XKR6: variants seen among roughly 807,000 people sequenced by gnomAD.
XKR6 encodes the protein XK related 6.
A neutral mutation model predicts 56.7 loss-of-function variants in XKR6; 22 were observed. The ratio of observed to expected loss-of-function variants is 0.39; its 90% CI spans 0.28 to 0.55. The LOEUF is 0.55. Ranked by LOEUF, XKR6 falls within the 20% of genes least tolerant of loss-of-function variation. The pLI is 0.66. For missense variants in XKR6, 852 were observed against 889.0 expected (o/e 0.96, Z 0.53); for synonymous variants, 524 against 387.8 (o/e 1.35, Z -4.13).
intron 1 of XKR6, among the ~76,000 whole-genome samples, chr8:10,970,091 G>T (rs146658369): frequency 6.6e-6 from 1 of 152,230 alleles, no homozygotes; most frequent in African/African-American, 2.4e-5. Flanking sequence ...ACCTCTCGCA[G>T]GAGTGGGCTG....
chr8:10,964,948 G>C lies in XKR6; in HGVS notation c.765-40118C>G, dbSNP rs575649413. Among the ~76,000 whole-genome samples, 12 of 152,304 alleles carry C rather than the reference G, an allele frequency of 7.9e-5. No individual in the cohort carries two copies. In the South Asian group the frequency reaches 2.3e-3, roughly 29 times the overall value. ...TGTTAAACCCAGAATCCACATCCCC[G>C]TGCAGGTGTGTTTACAGGCTTCCTC... On this transcript the variant is annotated intron_variant, in intron 1 of 2. Transcript: ENST00000416569.
intron 1 of XKR6, among the ~76,000 whole-genome samples, chr8:10,960,586 T>C (rs973290562): frequency 6.6e-6 from 1 of 152,250 alleles, no homozygotes; most frequent in African/African-American, 2.4e-5. Context: ...TTATCTTATT[T>C]GATCCTCAAC....
intron 1 of XKR6, among the ~76,000 whole-genome samples, chr8:10,951,025 C>T (rs984333244): frequency 6.6e-6 from 1 of 152,174 alleles, no homozygotes; most frequent in Non-Finnish European, 1.5e-5. Flanking sequence ...CAGCAGCATG[C>T]CCTGACATCT....
chr8:11,193,028 A>G (rs1563209358), intron 1 of XKR6, among the ~76,000 whole-genome samples: 1 of 152,214 alleles, frequency 6.6e-6, no homozygotes. Context: ...CATCATGGTG[A>G]TATGAATGTT....
At chr8:10,970,326 C>T (rs933446588) in intron 1 of XKR6, among the ~76,000 whole-genome samples, 1 of 152,212 alleles carries the variant, frequency 6.6e-6, no homozygotes, top group African/African-American at 2.4e-5. Flanking sequence ...TGCATCATCA[C>T]CTGTCCAATG....
At chr8:10,919,979 T>A (rs1366220488) in intron 2 of XKR6, among the ~76,000 whole-genome samples, 2 of 152,116 alleles carry the variant, frequency 1.3e-5, no homozygotes, top group African/African-American at 4.8e-5. Context: ...TATAGGGAAA[T>A]TGGATTATAA....
chr8:11,049,489 G>A (rs1352634317), intron 1 of XKR6, among the ~76,000 whole-genome samples: 2 of 152,160 alleles, frequency 1.3e-5, no homozygotes, highest in Non-Finnish European at 2.9e-5. Context: ...TCCTCCAGGG[G>A]TGGCTGTACG....
intron 1 of XKR6, among the ~76,000 whole-genome samples, chr8:11,033,978 C>A (rs1209724091): frequency 2.0e-5 from 3 of 152,228 alleles, no homozygotes; most frequent in African/African-American, 7.2e-5. Flanking sequence ...ACTATAACCA[C>A]ATCCTCAAAT....
chr8:11,021,229 G>A (rs1399402852), intron 1 of XKR6, among the ~76,000 whole-genome samples: 3 of 152,186 alleles, frequency 2.0e-5, no homozygotes, highest in Admixed American at 2.0e-4. Flanking sequence ...AGGTCTCACA[G>A]GGAGAGGAAG....
intron 1 of XKR6, among the ~76,000 whole-genome samples, chr8:11,056,090 C>T (rs544138741): frequency 2.0e-5 from 3 of 152,244 alleles, no homozygotes; most frequent in African/African-American, 7.2e-5. Flanking sequence ...AGGCCGTGGA[C>T]GACGTCCCGA....
At chr8:11,102,140 T>A (rs976339176) in intron 1 of XKR6, among the ~76,000 whole-genome samples, 1 of 152,158 alleles carries the variant, frequency 6.6e-6, no homozygotes, top group African/African-American at 2.4e-5. Flanking sequence ...TGTGGGTCAA[T>A]CCCAACTGAC....
At position 10,928,456 on chromosome 8, in the gene XKR6, T is replaced by A. The variant is rs183607879; in HGVS notation, c.765-3626A>T. ...AGGAAGGCATAAGCCATGTCCCCCC[T>A]AAACCCCTGGGCCAGCGCTGCTCTC... On this transcript the variant is annotated intron_variant, in intron 1 of 2. Transcript: ENST00000416569. Among the ~76,000 whole-genome samples, 86 of 152,372 alleles carry A rather than the reference T, an allele frequency of 5.6e-4. 3 individuals carry two copies. Among genetic ancestry groups the A allele is most frequent in the Non-Finnish European group, 2.2e-4 (15 of 68,028 alleles).
chr8:10,985,256 C>T (rs537703656), intron 1 of XKR6, among the ~76,000 whole-genome samples: 1 of 152,220 alleles, frequency 6.6e-6, no homozygotes, highest in South Asian at 2.1e-4. Context: ...CAGGTCTTTC[C>T]TGTGTGGTTC....
intron 1 of XKR6, among the ~76,000 whole-genome samples, chr8:11,026,176 A>C (rs1331715532): frequency 6.6e-6 from 1 of 151,938 alleles, no homozygotes; most frequent in Non-Finnish European, 1.5e-5. Flanking sequence ...TAGATGGTCT[A>C]GCCTACTACA....
intron 1 of XKR6, among the ~76,000 whole-genome samples, chr8:10,968,203 C>A (rs1174461786): frequency 6.6e-6 from 1 of 152,204 alleles, no homozygotes; most frequent in Non-Finnish European, 1.5e-5. Context: ...CCGGATCTCC[C>A]ACCGCTCCTA....
intron 1 of XKR6, chr8:11,128,807 T>A (rs1409641008): frequency 4.4e-6 from 2 of 456,694 alleles, no homozygotes; most frequent in African/African-American, 2.0e-5. Flanking sequence ...TAGCTCAACC[T>A]TCAAAATATA....
chr8:11,149,257 G>T (rs1438166509), intron 1 of XKR6, among the ~76,000 whole-genome samples: 1 of 152,198 alleles, frequency 6.6e-6, no homozygotes, highest in South Asian at 2.1e-4. Context: ...TCTATATACA[G>T]CCTATTGCTC....
At chr8:10,998,397 C>T (rs368743150) in intron 1 of XKR6, among the ~76,000 whole-genome samples, 115 of 152,292 alleles carry the variant, frequency 7.6e-4, no homozygotes, top group Non-Finnish European at 6.2e-4. Flanking sequence ...CCTAGAATAA[C>T]GAGTCTGCGT....
At chr8:11,026,962 TTCGATGGTGTTGCCTACTACACACC>T (rs1798883321) in intron 1 of XKR6, among the ~76,000 whole-genome samples, 4 of 145,208 alleles carry the variant, frequency 2.8e-5, no homozygotes, top group African/African-American at 1.0e-4. Flanking sequence ...TACTACACAC[TTCGATGGTGTTGCCTACTACACACC>T]TAGATGGTCT....
Sources: allele counts gnomAD v4.1 joint callset (sites outside exome capture counted in the v4.1 genomes callset), GRCh38; gene constraint gnomAD v4.1.1; transcripts MANE v1.5; gene names NCBI Gene and HGNC (gene_info 2026-07-23, HGNC 2026-07-21).